The following SMIM36 variants were observed in gnomAD, a reference collection of about 807,000 sequenced individuals.
SMIM36 encodes small integral membrane protein 36.
Position 55,462,826 on chromosome 17 carries a change from T to C in SMIM36, c.*531+4319A>G, listed in dbSNP as rs1399383143. Among the ~76,000 whole-genome samples the C allele has an allele frequency of 9.1e-4, 139 of 152,230 alleles. 1 individual carries two copies. The highest frequency in any genetic ancestry group is 4.4e-5 in the Non-Finnish European group (3 of 68,006). On this transcript the variant is annotated intron_variant, in intron 4 of 4. Transcript: ENST00000636752. ...GGCCCAGAGACAGAATACTCAGGCCTCTGGGGTTATGAGCCTCAGATGTGG... is the reference window on the plus strand; with the variant it reads ...GGCCCAGAGACAGAATACTCAGGCCCCTGGGGTTATGAGCCTCAGATGTGG...
intron 1 of SMIM36, among the ~76,000 whole-genome samples, chr17:55,487,691 G>T (rs2143286993): frequency 6.6e-6 from 1 of 152,292 alleles, no homozygotes. Flanking sequence ...GGGAAGTTCA[G>T]CTCACTTGGG....
At chr17:55,500,893 TA>T (rs1352000057) in intron 1 of SMIM36, among the ~76,000 whole-genome samples, 1 of 28,746 alleles carries the variant, frequency 3.5e-5, no homozygotes, top group Non-Finnish European at 4.4e-5. Flanking sequence ...ATATATATTA[TA>T]ATATATTATA....
At chr17:55,452,217 T>C (rs1274399396) in intron 4 of SMIM36, among the ~76,000 whole-genome samples, 1 of 152,110 alleles carries the variant, frequency 6.6e-6, no homozygotes. Context: ...GTTCAGGAGT[T>C]TGTGTAAATG....
chr17:55,518,474 A>G, the SMIM36 span, among the ~76,000 whole-genome samples: 1 of 152,206 alleles, frequency 6.6e-6, no homozygotes, highest in Non-Finnish European at 1.5e-5. Flanking sequence ...CTGCTGAGTG[A>G]TCGATCAAGT....
intron 2 of SMIM36, 40 bp from the exon 3 acceptor site, chr17:55,478,853 G>A (rs2143272380): frequency 6.6e-6 from 1 of 152,280 alleles, no homozygotes; most frequent in East Asian, 1.9e-4. Context: ...AATGTTCATT[G>A]GTGAAGATGC....
chr17:55,498,190 T>A (rs1909841194), intron 1 of SMIM36, among the ~76,000 whole-genome samples: 1 of 152,200 alleles, frequency 6.6e-6, no homozygotes, highest in Non-Finnish European at 1.5e-5. Flanking sequence ...TCCTATTGGA[T>A]TAGGGGCCCA....
intron 1 of SMIM36, among the ~76,000 whole-genome samples, chr17:55,494,672 T>C (rs1909776600): frequency 6.6e-6 from 1 of 152,144 alleles, no homozygotes; most frequent in African/African-American, 2.4e-5. Flanking sequence ...CTTTTGTATA[T>C]TTTGTTTGAA....
chr17:55,528,683 G>A, the SMIM36 span, among the ~76,000 whole-genome samples: 1 of 151,710 alleles, frequency 6.6e-6, no homozygotes, highest in Admixed American at 6.6e-5. Flanking sequence ...CTGAGTAGCT[G>A]GGATTACAGA....
chr17:55,521,462 T>C, the SMIM36 span, among the ~76,000 whole-genome samples: 2 of 152,246 alleles, frequency 1.3e-5, no homozygotes, highest in African/African-American at 2.4e-5. Context: ...ACATTCTGTA[T>C]TTCCTTATCT....
At chr17:55,462,828 T>G (rs1198040397) in intron 4 of SMIM36, among the ~76,000 whole-genome samples, 3 of 151,986 alleles carry the variant, frequency 2.0e-5, no homozygotes, top group Non-Finnish European at 4.4e-5. Context: ...CTCAGGCCTC[T>G]GGGGTTATGA....
rs531454361 is a variant in SMIM36, at chr17:55,493,758, C to T, written c.*175-14178G>A. Among the ~76,000 whole-genome samples the T allele has an allele frequency of 6.8e-5, 10 of 147,424 alleles. 1 individual carries two copies. The highest frequency in any genetic ancestry group is 2.0e-4 in the African/African-American group (8 of 40,046). ...CTGGGAAGTCAAGGCTCCAGTGACC[C>T]GAGATCGCGCCACTGCACTCCAGCA... On this transcript the variant is annotated intron_variant, in intron 1 of 4. Coordinates refer to ENST00000636752, the Ensembl canonical transcript of SMIM36.
At chr17:55,470,919 A>C (rs1885434371) in intron 3 of SMIM36, among the ~76,000 whole-genome samples, 1 of 152,056 alleles carries the variant, frequency 6.6e-6, no homozygotes, top group Non-Finnish European at 1.5e-5. Flanking sequence ...AATTCTCCTT[A>C]CAACTCCCCC....
chr17:55,492,540 G>A (rs978312514), intron 1 of SMIM36, among the ~76,000 whole-genome samples: 14 of 151,474 alleles, frequency 9.2e-5, no homozygotes, highest in African/African-American at 3.4e-4. Flanking sequence ...TTACAGGCAT[G>A]AGCCACTGCG....
intron 4 of SMIM36, among the ~76,000 whole-genome samples, chr17:55,456,647 G>A (rs1304206333): frequency 6.6e-6 from 1 of 152,186 alleles, no homozygotes; most frequent in East Asian, 1.9e-4. Flanking sequence ...GTCTGTTTAA[G>A]GGCCCAAGAT....
intron 3 of SMIM36, among the ~76,000 whole-genome samples, chr17:55,472,483 A>T (rs1433245004): frequency 6.6e-6 from 1 of 152,180 alleles, no homozygotes; most frequent in African/African-American, 2.4e-5. Flanking sequence ...TGCCTTCCTA[A>T]TAAGGGCCCT....
intron 1 of SMIM36, among the ~76,000 whole-genome samples, chr17:55,500,158 T>C (rs1909883157): frequency 6.6e-6 from 1 of 152,090 alleles, no homozygotes; most frequent in Non-Finnish European, 1.5e-5. Flanking sequence ...CCGTGCTCTG[T>C]TACCCAGGCT....
At chr17:55,512,855 A>G (rs577807128), upstream of SMIM36, among the ~76,000 whole-genome samples, 3 of 152,298 alleles carry the variant, frequency 2.0e-5, no homozygotes, top group South Asian at 6.2e-4. Context: ...AAGTTCCCAA[A>G]GGTCTGCTGG....
intron 1 of SMIM36, among the ~76,000 whole-genome samples, chr17:55,483,634 GC>G (rs557101594): frequency 2.0e-3 from 309 of 152,200 alleles, no homozygotes; most frequent in Admixed American, 4.8e-3. Context: ...AGAAATGCCA[GC>G]CCCCAAAACT....
rs546191116 is a variant in SMIM36 at position 55,490,147 on chromosome 17, G to A, written c.*175-10567C>T. 7.9e-5 allele frequency among the ~76,000 whole-genome samples: 12 copies of A among 152,168 alleles called. No homozygotes were observed. The South Asian group carries it at 2.3e-3, about 29-fold the overall frequency. ...TCGGATTATAGACAGGAGCCACCGC[G>A]CCTGGCCATCGATGCGTATTTTTGC... On this transcript the variant is annotated intron_variant, in intron 1 of 4. Transcript: ENST00000636752.
Sources: allele counts gnomAD v4.1 joint callset (sites outside exome capture counted in the v4.1 genomes callset), GRCh38; gene constraint gnomAD v4.1.1; transcripts MANE v1.5; gene names NCBI Gene and HGNC (gene_info 2026-07-23, HGNC 2026-07-21).